Variants in ZNF600 observed in about 807,000 individuals in gnomAD.
The protein encoded by ZNF600 is zinc finger protein KR-ZNF1.
ZNF600 carries 4 observed loss-of-function variants against 7.3 expected under a neutral mutation model. That is an observed-to-expected ratio of 0.55 (90% CI 0.27 to 1.25). ZNF600 has a LOEUF of 1.25. Among genes scored for constraint, ZNF600 ranks in the 50% most tolerant of loss-of-function variants. The probability of loss-of-function intolerance (pLI) is 0.12; values close to 1 mark genes in which losing one functional copy is unlikely to be tolerated. For missense variants in ZNF600, 911 were observed against 922.1 expected, an observed-to-expected ratio of 0.99 and a Z score of 0.16; for synonymous variants, 290 against 308.9, an observed-to-expected ratio of 0.94 and a Z score of 0.64.
At chr19:52,767,363 G>A (rs374319140) in exon 4 of ZNF600, 4 of 1,613,868 alleles carry the variant, frequency 2.5e-6, no homozygotes, top group Admixed American at 1.7e-5. Context: ...TATGGATTTG[G>A]GGCCTAGGAG....
chr19:52,765,504 T>G lies in ZNF600; in HGVS notation c.*83A>C, dbSNP rs1450017108. On this transcript the variant is annotated 3_prime_UTR_variant, in exon 4 of 4. Transcript: ENST00000648973. ...GAAAAATTTGCCACATTTATTACAC[T>G]TGTTAGATCTTTATTCATTATAGAT... 22 of 1,600,314 alleles carry G rather than the reference T, an allele frequency of 1.4e-5. No homozygotes were observed. The Admixed American group carries it at 2.9e-4, about 21-fold the overall frequency.
intron 1 of ZNF600, among the ~76,000 whole-genome samples, chr19:52,785,245 CTT>C (rs879349377): frequency 1.4e-5 from 2 of 145,028 alleles, no homozygotes; most frequent in African/African-American, 2.5e-5. Flanking sequence ...TATTTAACCT[CTT>C]TTTTTTTTTT....
At chr19:52,809,318 T>C in the ZNF600 span, among the ~76,000 whole-genome samples, 11 of 150,646 alleles carry the variant, frequency 7.3e-5, no homozygotes, top group South Asian at 4.1e-4. Flanking sequence ...AAAGGACACA[T>C]GTGTTGTCAT....
the ZNF600 span, among the ~76,000 whole-genome samples, chr19:52,818,332 C>T: frequency 1.3e-5 from 2 of 152,280 alleles, no homozygotes; most frequent in Non-Finnish European, 1.5e-5. Flanking sequence ...GTCCCAGCTA[C>T]TTAGGAAGCT....
intron 1 of ZNF600, 107 bp from the exon 4 acceptor site, chr19:52,779,014 A>G (rs925660653): frequency 1.0e-6 from 1 of 967,122 alleles, no homozygotes; most frequent in African/African-American, 1.7e-5. Context: ...GAAGTCCCCC[A>G]CCGCCCACTG....
chr19:52,813,278 C>CAAAAGG, the ZNF600 span, among the ~76,000 whole-genome samples: 1 of 61,514 alleles, frequency 1.6e-5, no homozygotes. Context: ...AAAAGACATA[C>CAAAAGG]TGTGGAAGGA....
intron 3 of ZNF600, among the ~76,000 whole-genome samples, chr19:52,773,483 ATAAG>A (rs2062647609): frequency 6.6e-6 from 1 of 151,910 alleles, no homozygotes; most frequent in Admixed American, 6.6e-5. Flanking sequence ...ACACAAAAAA[ATAAG>A]TAAACCCTAT....
chr19:52,777,618 T>TC (rs1395067576), intron 2 of ZNF600, among the ~76,000 whole-genome samples: 1 of 151,982 alleles, frequency 6.6e-6, no homozygotes, highest in Non-Finnish European at 1.5e-5. Context: ...GATCATGAGG[T>TC]CAGGAGTTCG....
exon 4 of ZNF600, chr19:52,765,059 G>T (rs917465840): frequency 2.1e-5 from 7 of 334,442 alleles, no homozygotes; most frequent in Non-Finnish European, 4.2e-5. Context: ...ATAAACACTT[G>T]AATGTCAATT....
At chr19:52,822,133 C>G in the ZNF600 span, among the ~76,000 whole-genome samples, 1 of 123,364 alleles carries the variant, frequency 8.1e-6, no homozygotes, top group African/African-American at 3.2e-5. Flanking sequence ...AGTGCAGTGG[C>G]GAGATCTTGA....
chr19:52,766,707 C>A, exon 4 of ZNF600: 1 of 1,614,024 alleles, frequency 6.2e-7, no homozygotes. Flanking sequence ...AGTGTGAATT[C>A]TTTTATGTCT....
the ZNF600 span, chr19:52,801,022 C>T: frequency 1.9e-6 from 3 of 1,614,170 alleles, no homozygotes; most frequent in South Asian, 3.3e-5. Flanking sequence ...TTGCCACACT[C>T]ATTACACTTG....
the ZNF600 span, among the ~76,000 whole-genome samples, chr19:52,827,049 G>A: frequency 1.3e-5 from 2 of 151,792 alleles, no homozygotes; most frequent in East Asian, 1.9e-4. Context: ...ACTCCTGCCT[G>A]GACAAAATAG....
upstream of ZNF600, among the ~76,000 whole-genome samples, chr19:52,787,473 T>TTTGGCTC (rs2062774796): frequency 6.8e-6 from 1 of 146,414 alleles, no homozygotes; most frequent in Admixed American, 6.8e-5. Flanking sequence ...GTGGCACGAT[T>TTTGGCTC]TTGGCTCACT....
At position 52,786,590 on chromosome 19, in the gene ZNF600, C is replaced by T. The variant is rs2062765570; in HGVS notation, c.-20+5G>A. ...CCCAAAAGCAAGCAACTTCCAGACT[C>T]TTACCGGGACGTCTCAATTTGCTCT... is the stretch of plus-strand genomic sequence containing the variant. On this transcript the variant is annotated splice_donor_5th_base_variant and intron_variant, in intron 1 of 3. Coordinates refer to ENST00000648973, the Ensembl canonical transcript of ZNF600. 1.7e-5 allele frequency: 3 copies of T among 176,854 alleles called. No individual in the cohort carries two copies. The South Asian group carries it at 3.2e-4, about 19-fold the overall frequency. 11.0% of individuals were successfully genotyped at this position (176,854 alleles called of 1,614,324 possible).
intron 1 of ZNF600, among the ~76,000 whole-genome samples, chr19:52,779,652 C>G (rs115521748): frequency 1.7e-3 from 257 of 152,314 alleles, no homozygotes; most frequent in African/African-American, 6.0e-3. Context: ...AAGCTGGGAA[C>G]TGCTTAGTGA....
chr19:52,810,456 A>G, the ZNF600 span: 1 of 1,593,222 alleles, frequency 6.3e-7, no homozygotes, highest in East Asian at 2.2e-5. Flanking sequence ...AGAGTTCTCA[A>G]AGAGTCAGTG....
the ZNF600 span, chr19:52,800,016 T>A: frequency 7.4e-6 from 12 of 1,614,092 alleles, no homozygotes; most frequent in African/African-American, 1.3e-5. Flanking sequence ...GCCACACTCA[T>A]TACACTTGTA....
exon 4 of ZNF600, chr19:52,766,376 A>T: frequency 2.5e-6 from 4 of 1,614,214 alleles, no homozygotes; most frequent in Non-Finnish European, 3.4e-6. Flanking sequence ...GAATTATCTT[A>T]TGTGTCTCAA....
Sources: allele counts gnomAD v4.1 joint callset (sites outside exome capture counted in the v4.1 genomes callset), GRCh38; gene constraint gnomAD v4.1.1; transcripts MANE v1.5; gene names NCBI Gene and HGNC (gene_info 2026-07-23, HGNC 2026-07-21).